The following TMEM132B variants were observed in gnomAD, a reference collection of about 807,000 sequenced individuals.
TMEM132B encodes transmembrane protein 132B.
TMEM132B carries 18 observed loss-of-function variants against 90.8 expected under a neutral mutation model. The observed-to-expected ratio is 0.20, with a 90% CI of 0.14 to 0.29. The LOEUF is 0.29. TMEM132B is among the 10% of genes least tolerant of loss of function. The pLI is 1.00. For missense variants in TMEM132B, 1,096 were observed against 1,326.8 expected (o/e 0.83, Z 2.70); for synonymous variants, 504 against 523.3 (o/e 0.96, Z 0.50).
chr12:125,424,386 T>TA (rs1880256198), intron 3 of TMEM132B, among the ~76,000 whole-genome samples: 1 of 152,174 alleles, frequency 6.6e-6, no homozygotes, highest in Non-Finnish European at 1.5e-5. Flanking sequence ...GGCCTTACCT[T>TA]AAAAAAATTA....
At chr12:125,620,171 G>A (rs1886085832) in intron 5 of TMEM132B, among the ~76,000 whole-genome samples, 1 of 152,192 alleles carries the variant, frequency 6.6e-6, no homozygotes, top group Non-Finnish European at 1.5e-5. Context: ...TTCAAACACG[G>A]CACATGTGCC....
intron 5 of TMEM132B, among the ~76,000 whole-genome samples, chr12:125,590,216 G>A (rs1160201057): frequency 1.3e-5 from 2 of 152,034 alleles, no homozygotes; most frequent in Non-Finnish European, 2.9e-5. Flanking sequence ...CCAGCCTCAG[G>A]GATTTCCTTA....
Position 125,460,853 on chromosome 12 carries a change from G to C in TMEM132B, c.1106+45176G>C, listed in dbSNP as rs1006644989. Among the ~76,000 whole-genome samples the C allele has an allele frequency of 1.3e-5, 2 of 152,130 alleles. No homozygotes were observed. The highest frequency in any genetic ancestry group is 2.9e-5 in the Non-Finnish European group (2 of 68,024). ...TACAATCTTTTACTTCTGGTCTTTT[G>C]AAGACAATGAAACATATTGTTTGTT... is the stretch of plus-strand genomic sequence containing the variant. On this transcript the variant is annotated intron_variant, in intron 3 of 8. Transcript: ENST00000682704. This position sits in a 1 kb window ranked among gnomAD's most constrained non-coding sequence, Gnocchi z 4.4.
intron 2 of TMEM132B, among the ~76,000 whole-genome samples, chr12:125,353,220 A>G (rs936081114): frequency 7.0e-6 from 1 of 142,666 alleles, no homozygotes; most frequent in Non-Finnish European, 1.5e-5. Context: ...CAACTGCAGC[A>G]CTTCAGCACT....
intron 5 of TMEM132B, among the ~76,000 whole-genome samples, chr12:125,618,524 G>A (rs1183350669): frequency 6.6e-6 from 1 of 152,226 alleles, no homozygotes; most frequent in Non-Finnish European, 1.5e-5. Flanking sequence ...TAGCTGAGTA[G>A]TGTGGAAGAA....
At chr12:125,274,870 C>A (rs1434098460) in intron 1 of TMEM132B, among the ~76,000 whole-genome samples, 5 of 152,080 alleles carry the variant, frequency 3.3e-5, no homozygotes, top group African/African-American at 4.8e-5. Flanking sequence ...TTGCAGTGAG[C>A]TATGATGACG....
At chr12:125,533,371 G>C (rs1343631946) in intron 4 of TMEM132B, among the ~76,000 whole-genome samples, 1 of 152,158 alleles carries the variant, frequency 6.6e-6, no homozygotes. Flanking sequence ...CTGGCCAATC[G>C]GAATAGATGC....
intron 3 of TMEM132B, among the ~76,000 whole-genome samples, chr12:125,438,772 C>T (rs3963551): frequency 5.9e-5 from 9 of 151,810 alleles, no homozygotes; most frequent in East Asian, 1.9e-4. Context: ...TTCCACAGGC[C>T]GTGTTTTTTG....
At chr12:125,566,801 C>T (rs1884666554) in intron 4 of TMEM132B, among the ~76,000 whole-genome samples, 1 of 149,822 alleles carries the variant, frequency 6.7e-6, no homozygotes, top group African/African-American at 2.5e-5. Context: ...CTCGATTCCT[C>T]CTCCTTCTCC....
At chr12:125,645,035 G>A (rs1186733252) in intron 6 of TMEM132B, among the ~76,000 whole-genome samples, 1 of 149,882 alleles carries the variant, frequency 6.7e-6, no homozygotes, top group African/African-American at 2.5e-5. Flanking sequence ...GGCTAACATG[G>A]TGAAAGCCTG....
chr12:125,454,168 A>C (rs1431697574), intron 3 of TMEM132B, among the ~76,000 whole-genome samples: 1 of 152,218 alleles, frequency 6.6e-6, no homozygotes, highest in Non-Finnish European at 1.5e-5. Flanking sequence ...AAGAGGCAGC[A>C]AAGTTATCAT....
chr12:125,287,690 G>T (rs983388890), intron 1 of TMEM132B, among the ~76,000 whole-genome samples: 3 of 152,136 alleles, frequency 2.0e-5, no homozygotes, highest in Admixed American at 6.5e-5. Flanking sequence ...CTCTCCAAAG[G>T]TAACCACTTT....
At chr12:125,563,211 A>C (rs1316864476) in intron 4 of TMEM132B, among the ~76,000 whole-genome samples, 1 of 151,544 alleles carries the variant, frequency 6.6e-6, no homozygotes, top group East Asian at 1.9e-4. Flanking sequence ...AATTTTGGGA[A>C]TTACCAAAAT....
chr12:125,446,713 T>C (rs534360080), intron 3 of TMEM132B, among the ~76,000 whole-genome samples: 5 of 152,314 alleles, frequency 3.3e-5, no homozygotes, highest in African/African-American at 7.2e-5. Context: ...GTTCAAGTCA[T>C]ATTCACTTTC....
At chr12:125,504,948 C>A (rs1882792313) in intron 3 of TMEM132B, among the ~76,000 whole-genome samples, 4 of 151,804 alleles carry the variant, frequency 2.6e-5, no homozygotes, top group Admixed American at 6.6e-5. Context: ...AATCTCTGCC[C>A]AAATCTATGG....
At chr12:125,289,635 G>T (rs1420007385) in intron 1 of TMEM132B, among the ~76,000 whole-genome samples, 1 of 152,228 alleles carries the variant, frequency 6.6e-6, no homozygotes, top group Non-Finnish European at 1.5e-5. Context: ...GGTTCTAGCT[G>T]CATTACACGT....
At chr12:125,409,618 TGGA>T (rs1879639588) in intron 2 of TMEM132B, among the ~76,000 whole-genome samples, 4 of 32,472 alleles carry the variant, frequency 1.2e-4, no homozygotes, top group African/African-American at 1.8e-4. Context: ...TGGAGTGGAG[TGGA>T]GGAGTGGAGT....
intron 1 of TMEM132B, among the ~76,000 whole-genome samples, chr12:125,198,840 C>T (rs1056138147): frequency 6.6e-6 from 1 of 152,218 alleles, no homozygotes; most frequent in African/African-American, 2.4e-5. Flanking sequence ...TGCTGCCTCC[C>T]TCCTGCCCCT....
intron 1 of TMEM132B, among the ~76,000 whole-genome samples, chr12:125,188,851 G>GAAAAAAAA (rs1957776736): frequency 1.0e-4 from 1 of 9,912 alleles, no homozygotes; most frequent in African/African-American, 7.0e-4. Flanking sequence ...AGGAGGGATG[G>GAAAAAAAA]CAAAAAAAAA....
Sources: gnomAD v4.1 joint callset for allele counts (sites outside exome capture counted in the v4.1 genomes callset) on GRCh38, gnomAD v4.1.1 for gene constraint, Gnocchi (gnomAD v3.1) non-coding constraint, MANE v1.5 for transcripts, NCBI Gene and HGNC (gene_info 2026-07-23, HGNC 2026-07-21) for gene names.